Variants in EPHA1 observed in about 807,000 individuals in gnomAD.
EPHA1 encodes ephrin type-A receptor 1.
Under a neutral mutation model 110.1 loss-of-function variants are expected in EPHA1, and 92 were observed. That is an observed-to-expected ratio of 0.84 (90% CI 0.71 to 0.99). The LOEUF is 0.99. Among genes scored for constraint, EPHA1 ranks in the 50% least tolerant of loss-of-function variants. The probability of loss-of-function intolerance (pLI) is 0.00; values close to 1 mark genes in which losing one functional copy is unlikely to be tolerated. For synonymous variants in EPHA1, 500 were observed against 516.1 expected, an observed-to-expected ratio of 0.97 and a Z score of 0.42; for missense variants, 1,204 against 1,285.4, an observed-to-expected ratio of 0.94 and a Z score of 0.97.
In EPHA1 at chr7:143,399,393, G is replaced by C. The variant is rs149680322; in HGVS notation, c.856C>G (p.Arg286Gly). 2 of 1,594,870 alleles carry C rather than the reference G, an allele frequency of 1.3e-6. No homozygotes were observed. The highest frequency in any genetic ancestry group is 1.7e-6 in the Non-Finnish European group (2 of 1,170,018). The change falls in exon 5 of 18, where the codon CGG becomes GGG. Residue 286 changes from arginine to glycine, a missense_variant. Physicochemically the swap from Arg to Gly is moderately radical, Grantham distance 125 (BLOSUM62 -2). Transcript: ENST00000275815. ...ACVACPSGSY[R>G]MDMDTPHCLT... ...CAATGGGGTGTGTCCATGTCCATCC[G>C]GTAGGAGCCGCTAGGGCAGGCTGGA...
rs553135371 is a variant in EPHA1, at chr7:143,399,290, G to A, written c.959C>T (p.Ala320Val). ...ICTCESGHYR[A>V]PGEGPQVACT... is the part of the protein sequence containing the mutation. ...TGCCACCTGGGGGCCCTCCCCGGGA[G>A]CTCTGTAATGGCCGCTCTCACAGGT... Residue 320 changes from alanine (A) to valine (V), a missense_variant, in exon 5 of 18, where the codon GCT becomes GTT. Transcript: ENST00000275815. 1 of 1,612,024 alleles carries A rather than the reference G, an allele frequency of 6.2e-7. No individual in the cohort carries two copies. Among genetic ancestry groups the A allele is most frequent in the East Asian group, 2.2e-5 (1 of 44,858 alleles).
chr7:143,406,672 G>C (rs1805559690), intron 2 of EPHA1, among the ~76,000 whole-genome samples: 1 of 152,252 alleles, frequency 6.6e-6, no homozygotes. Context: ...CAGGTAGATA[G>C]TGTAAGAACT....
rs201508170 is a variant in EPHA1 at position 143,397,541 on chromosome 7, G to T, written c.1712+20C>A. On this transcript the variant is annotated intron_variant, in intron 9 of 17. Coordinates refer to ENST00000275815, the MANE Select transcript of EPHA1 (RefSeq NM_005232.5). Reference sequence around the variant, plus strand: ...TTCTGACCCAGGGCTGGTGGTTGGGGAGGGGGCAGGAGCTGGCACCTGGAC... The same window carrying T: ...TTCTGACCCAGGGCTGGTGGTTGGGTAGGGGGCAGGAGCTGGCACCTGGAC... 24 of 1,562,884 alleles carry T rather than the reference G, an allele frequency of 1.5e-5. No homozygotes were observed. The highest frequency in any genetic ancestry group is 3.4e-5 in the Admixed American group (2 of 59,458).
intron 2 of EPHA1, among the ~76,000 whole-genome samples, chr7:143,402,875 C>T (rs919222165): frequency 6.6e-6 from 1 of 152,304 alleles, no homozygotes; most frequent in South Asian, 2.1e-4. Flanking sequence ...AAGACTTACA[C>T]AGAATAAAGT....
rs562521572 is a variant in EPHA1, at chr7:143,395,796, C to T, written c.1898-292G>A. 4.8e-4 allele frequency among the ~76,000 whole-genome samples: 73 copies of T among 152,326 alleles called. No individual in the cohort carries two copies. The highest frequency in any genetic ancestry group is 3.4e-3 in the Middle Eastern group (1 of 294). On this transcript the variant is annotated intron_variant, in intron 11 of 17. Coordinates refer to ENST00000275815, the MANE Select transcript of EPHA1 (RefSeq NM_005232.5). This position sits in a 1 kb window ranked among gnomAD's most constrained non-coding sequence, Gnocchi z 4.7. ...TGAACCCTGTGGAGCGGGACTGGGC[C>T]GTGCTCATGAAGAGCAAGCTAGTGC...
Position 143,391,223 on chromosome 7 carries a change from A to G in EPHA1, c.*234T>C, listed in dbSNP as rs1805066652. 7 of 571,316 alleles carry G rather than the reference A, an allele frequency of 1.2e-5. No homozygotes were observed. The highest frequency in any genetic ancestry group is 1.0e-4 in the South Asian group (5 of 49,110). 35.4% of individuals were successfully genotyped at this position (571,316 alleles called of 1,614,324 possible). ...TATATATATGTGTATGTATGTATATATATTAACCCCTCAGCTCCCTCCCAT... is the reference window on the plus strand; with the variant it reads ...TATATATATGTGTATGTATGTATATGTATTAACCCCTCAGCTCCCTCCCAT... On this transcript the variant is annotated 3_prime_UTR_variant, in exon 18 of 18. Transcript: ENST00000275815.
intron 2 of EPHA1, among the ~76,000 whole-genome samples, chr7:143,405,928 G>A (rs1382989807): frequency 6.6e-6 from 1 of 152,168 alleles, no homozygotes; most frequent in African/African-American, 2.4e-5. Context: ...CCTGAGAGAA[G>A]GGGTTCCAGA....
chr7:143,394,106 A>G (rs1805170178), intron 15 of EPHA1, 88 bp downstream of exon 15: 2 of 1,489,128 alleles, frequency 1.3e-6, no homozygotes, highest in African/African-American at 2.8e-5. Flanking sequence ...AAATAAAGAT[A>G]TTTGCAGGAA....
In EPHA1 at chr7:143,396,494, C is replaced by T. The variant is rs1291987088; in HGVS notation, c.1788G>A (p.Leu596=). Residue 596 remains leucine, a synonymous_variant, in exon 11 of 18, where the codon CTG becomes CTA. Coordinates refer to ENST00000275815, the MANE Select transcript of EPHA1 (RefSeq NM_005232.5). ...TDVDREDKLW[L]KPYVDLQAYE... Reference sequence around the variant, plus strand: ...ATGCCTGGAGGTCCACATAAGGCTTCAGCCACAGCTTGTCCTCTATGGGCA... The same window carrying T: ...ATGCCTGGAGGTCCACATAAGGCTTTAGCCACAGCTTGTCCTCTATGGGCA... The T allele has an allele frequency of 1.2e-6, 2 of 1,613,876 alleles. No individual in the cohort carries two copies. The highest frequency in any genetic ancestry group is 1.7e-6 in the Non-Finnish European group (2 of 1,179,944).
In EPHA1 at chr7:143,395,176, G is replaced by A. The variant is rs34372369; in HGVS notation, c.2090C>T (p.Pro697Leu). The stretch of plus-strand genomic sequence containing the variant: ...CATAAATTCTGTGATGATCATGATC[G>A]GCTTTCCTGAGACACAGACACACAT... The part of the protein sequence containing the change: ...HLEGVVTKRK[P>L]IMIITEFMEN... Residue 697 changes from proline (P) to leucine (L), a missense_variant, in exon 13 of 18, where the codon CCG becomes CTG. Transcript: ENST00000275815. This position sits in a 1 kb window ranked among gnomAD's most constrained non-coding sequence, Gnocchi z 4.7. 0.051 allele frequency: 82,945 copies of A among 1,613,512 alleles called. 2,422 individuals carry two copies. Among genetic ancestry groups the A allele is most frequent in the Middle Eastern group, 0.092 (556 of 6,062 alleles).
chr7:143,399,530 G>A (rs1050218667), intron 4 of EPHA1, 117 bp from the exon 5 acceptor site: 50 of 1,545,698 alleles, frequency 3.2e-5, no homozygotes, highest in Middle Eastern at 2.2e-4. Context: ...GTGTGTGTCC[G>A]CTGCTCTGGG....
At chr7:143,398,271 G>T in intron 7 of EPHA1, 50 bp downstream of exon 7, 3 of 1,608,432 alleles carry the variant, frequency 1.9e-6, no homozygotes, top group Non-Finnish European at 2.6e-6. Context: ...GGAATGTTGG[G>T]GTGTGCCCGG....
chr7:143,405,442 T>TGC (rs1484257863), intron 2 of EPHA1, among the ~76,000 whole-genome samples: 1 of 150,174 alleles, frequency 6.7e-6, no homozygotes, highest in Non-Finnish European at 1.5e-5. Context: ...TGTGCGTGTG[T>TGC]GTGTGTGTGT....
At chr7:143,397,535 G>T in intron 9 of EPHA1, 26 bp downstream of exon 9, 9 of 1,606,770 alleles carry the variant, frequency 5.6e-6, no homozygotes, top group African/African-American at 1.3e-5. Context: ...AGGGCTGGTG[G>T]TTGGGGAGGG....
rs1001425150 is a variant in EPHA1, at chr7:143,408,483, G to T, written c.82+241C>A. 3.9e-5 allele frequency among the ~76,000 whole-genome samples: 6 copies of T among 152,212 alleles called. No homozygotes were observed. In the East Asian group the frequency reaches 1.2e-3, roughly 29 times the overall value. Reference sequence around the variant, plus strand: ...GTCCGGAATTCCCTCCCCACTCCCAGGAGCAGATTGCTGGCCTGCGGGAGT... The same window carrying T: ...GTCCGGAATTCCCTCCCCACTCCCATGAGCAGATTGCTGGCCTGCGGGAGT... On this transcript the variant is annotated intron_variant, in intron 1 of 17. Coordinates refer to ENST00000275815, the MANE Select transcript of EPHA1 (RefSeq NM_005232.5).
intron 2 of EPHA1, among the ~76,000 whole-genome samples, chr7:143,406,388 G>A (rs56402156): frequency 0.19 from 28,678 of 152,174 alleles, 2,877 homozygotes; most frequent in South Asian, 0.26. Context: ...AGGGTGGCTC[G>A]CCTCCTTCAC....
At chr7:143,396,161 G>A (rs868808821) in intron 11 of EPHA1, among the ~76,000 whole-genome samples, 1 of 152,252 alleles carries the variant, frequency 6.6e-6, no homozygotes, top group Admixed American at 6.5e-5. Flanking sequence ...AAGCAAGTGT[G>A]TAGGAGACAG....
chr7:143,398,701 A>C lies in EPHA1; in HGVS notation c.1236T>G (p.Tyr412Ter). The change falls in exon 6 of 18, where the codon TAT becomes TAG. Residue 412 changes from tyrosine to a stop codon, truncating the protein, a stop_gained. Transcript: ENST00000275815. LOFTEE classifies it high-confidence loss of function. ...CTTCCACATTAAAGGTGTAGTTGGC[A>C]TAAGGTTCAAGGCCATTGACATGCA... Reference protein sequence around the residue: ...PAVHVNGLEPYANYTFNVEAQ... With the variant: ...PAVHVNGLEP The C allele has an allele frequency of 4.3e-6, 7 of 1,614,116 alleles. No individual in the cohort carries two copies. The highest frequency in any genetic ancestry group is 5.9e-6 in the Non-Finnish European group (7 of 1,180,000).
Position 143,396,513 on chromosome 7 carries a change from A to G in EPHA1, c.1772-3T>C, listed in dbSNP as rs1350811953. ...AGGCTTCAGCCACAGCTTGTCCTCT[A>G]TGGGCAGAACATGAGGTTGGGGAGT... On this transcript the variant is annotated splice_region_variant and splice_polypyrimidine_tract_variant and intron_variant, in intron 10 of 17. Coordinates refer to ENST00000275815, the MANE Select transcript of EPHA1 (RefSeq NM_005232.5). The G allele has an allele frequency of 5.0e-6, 8 of 1,613,546 alleles. No individual in the cohort carries two copies. The highest frequency in any genetic ancestry group is 2.2e-5 in the East Asian group (1 of 44,856).
Sources: allele counts gnomAD v4.1 joint callset (sites outside exome capture counted in the v4.1 genomes callset), GRCh38; gene constraint gnomAD v4.1.1; non-coding constraint Gnocchi (gnomAD v3.1); transcripts MANE v1.5; gene names NCBI Gene and HGNC (gene_info 2026-07-23, HGNC 2026-07-21).